Variants in CACNA2D1 observed in about 807,000 individuals in gnomAD.
CACNA2D1 encodes calcium voltage-gated channel auxiliary subunit alpha2delta 1, also known as voltage-dependent calcium channel subunit alpha-2/delta-1.
CACNA2D1 carries 53 observed loss-of-function variants against 171.5 expected under a neutral mutation model. The ratio of observed to expected loss-of-function variants is 0.31; its 90% confidence interval spans 0.25 to 0.39. The LOEUF (loss-of-function observed/expected upper bound fraction) is 0.39. Among genes scored for constraint, CACNA2D1 ranks in the 10% least tolerant of loss-of-function variants. The pLI is 1.00. For synonymous variants in CACNA2D1, 442 were observed against 443.1 expected (o/e 1.00, Z 0.03); for missense variants, 903 against 1,299.8 (o/e 0.69, Z 4.69).
At chr7:82,235,699 G>A (rs576054103) in intron 3 of CACNA2D1, among the ~76,000 whole-genome samples, 59 of 151,906 alleles carry the variant, frequency 3.9e-4, no homozygotes, top group Middle Eastern at 3.4e-3. Flanking sequence ...ATAATATCTG[G>A]ATTTCCTTCA....
chr7:82,091,429 A>G (rs1479394238), intron 6 of CACNA2D1, among the ~76,000 whole-genome samples: 1 of 152,194 alleles, frequency 6.6e-6, no homozygotes, highest in Non-Finnish European at 1.5e-5. Context: ...CTTGCCCCCT[A>G]TCACTTTAGT....
intron 6 of CACNA2D1, among the ~76,000 whole-genome samples, chr7:82,111,427 TG>T (rs1443741838): frequency 1.3e-5 from 1 of 79,206 alleles, no homozygotes; most frequent in Non-Finnish European, 2.4e-5. Flanking sequence ...TATATATGTG[TG>T]TATATATATA....
intron 3 of CACNA2D1, among the ~76,000 whole-genome samples, chr7:82,250,406 T>C (rs911601844): frequency 1.3e-5 from 2 of 152,176 alleles, no homozygotes; most frequent in Non-Finnish European, 2.9e-5. Flanking sequence ...TAGGAAAGCA[T>C]TTTTGTTTCT....
chr7:82,005,308 G>C (rs1271528663), intron 18 of CACNA2D1, 115 bp downstream of exon 18: 3 of 725,128 alleles, frequency 4.1e-6, no homozygotes, highest in Non-Finnish European at 7.5e-6. Flanking sequence ...ACGCATTAGA[G>C]ACTGTACTTT....
chr7:82,343,345 G>C (rs139838891), intron 2 of CACNA2D1: 1 of 152,282 alleles, frequency 6.6e-6, no homozygotes, highest in African/African-American at 2.4e-5. Flanking sequence ...GAACACGATG[G>C]TGATGCTTCC....
At chr7:82,072,315 G>C (rs1270174383) in intron 7 of CACNA2D1, among the ~76,000 whole-genome samples, 1 of 151,918 alleles carries the variant, frequency 6.6e-6, no homozygotes, top group Admixed American at 6.6e-5. Flanking sequence ...TTATATGCTT[G>C]TATCAAAATT....
At chr7:82,324,546 G>C (rs146066972) in intron 3 of CACNA2D1, among the ~76,000 whole-genome samples, 154 of 152,168 alleles carry the variant, frequency 1.0e-3, no homozygotes, top group Non-Finnish European at 1.9e-3. Context: ...CGTAAACACA[G>C]CACTTAGTGT....
chr7:82,434,747 T>C (rs926042794), intron 1 of CACNA2D1, among the ~76,000 whole-genome samples: 1 of 152,142 alleles, frequency 6.6e-6, no homozygotes, highest in Non-Finnish European at 1.5e-5. Context: ...CTTGTCTCCA[T>C]ATTCTCAACT....
intron 6 of CACNA2D1, among the ~76,000 whole-genome samples, chr7:82,113,999 T>C (rs1307229371): frequency 6.6e-6 from 1 of 152,162 alleles, no homozygotes; most frequent in East Asian, 1.9e-4. Flanking sequence ...TGCCTATGAC[T>C]TCTGAAAACA....
intron 1 of CACNA2D1, among the ~76,000 whole-genome samples, chr7:82,403,261 T>C (rs1826642955): frequency 6.6e-6 from 1 of 152,174 alleles, no homozygotes; most frequent in Admixed American, 6.5e-5. Flanking sequence ...ACCAGACTGA[T>C]TAGAGAAAGA....
intron 3 of CACNA2D1, among the ~76,000 whole-genome samples, chr7:82,210,545 G>A (rs556789468): frequency 6.6e-6 from 1 of 152,122 alleles, no homozygotes; most frequent in Non-Finnish European, 1.5e-5. Flanking sequence ...TTATTGGATG[G>A]GTGTGTGCAG....
chr7:82,165,183 G>A lies in CACNA2D1; in HGVS notation c.354+5367C>T, dbSNP rs1349760363. On this transcript the variant is annotated intron_variant, in intron 4 of 38. Coordinates refer to ENST00000356860, the MANE Select transcript of CACNA2D1 (RefSeq NM_000722.4). ...CACCTTCTACCTCCCCATTTCCTAA[G>A]CCAAGGGTGTTTGTCCTCTTTTAAC... 2.0e-5 allele frequency among the ~76,000 whole-genome samples: 3 copies of A among 151,962 alleles called. No homozygotes were observed. The East Asian group carries it at 5.8e-4, about 29-fold the overall frequency.
rs765508751 is a variant in CACNA2D1, at chr7:82,184,769, GTA to G, written c.295-14162_295-14161del. The stretch of plus-strand genomic sequence containing the variant: ...TTAAGAATAATGATGGTTAAAATGT[GTA>G]TGTTTTACAGTTTATGAAATTTCTT... On this transcript the variant is annotated intron_variant, in intron 3 of 38. Coordinates refer to ENST00000356860, the MANE Select transcript of CACNA2D1 (RefSeq NM_000722.4). 2.6e-5 allele frequency among the ~76,000 whole-genome samples: 4 copies of G among 152,092 alleles called. No homozygotes were observed. The East Asian group carries it at 5.8e-4, about 22-fold the overall frequency.
intron 3 of CACNA2D1, among the ~76,000 whole-genome samples, chr7:82,238,646 T>G (rs1295153771): frequency 6.6e-6 from 1 of 152,094 alleles, no homozygotes; most frequent in African/African-American, 2.4e-5. Context: ...TTCAGCCACA[T>G]TCAGTAGTAA....
chr7:82,103,378 AG>A (rs1334905614), intron 6 of CACNA2D1, among the ~76,000 whole-genome samples: 1 of 152,178 alleles, frequency 6.6e-6, no homozygotes, highest in African/African-American at 2.4e-5. Context: ...ATGAAGCAAA[AG>A]GTCTATTTTA....
In CACNA2D1 at chr7:81,957,869, AT is replaced by A. The variant is rs1793610434; in HGVS notation, c.3159+1405del. On this transcript the variant is annotated intron_variant, in intron 38 of 38. Coordinates refer to ENST00000356860, the MANE Select transcript of CACNA2D1 (RefSeq NM_000722.4). ...ATAAGATATAGCCTCCTAGAATAATATTTTGGGCAATAGGCTTTTAAGTCAC... is the reference window on the plus strand; with the variant it reads ...ATAAGATATAGCCTCCTAGAATAATATTTGGGCAATAGGCTTTTAAGTCAC... Among the ~76,000 whole-genome samples the A allele has an allele frequency of 2.0e-5, 3 of 152,058 alleles. No homozygotes were observed. The South Asian group carries it at 6.2e-4, about 31-fold the overall frequency.
At chr7:81,994,772 G>A in intron 20 of CACNA2D1, 96 bp downstream of exon 20, 1 of 704,048 alleles carries the variant, frequency 1.4e-6, no homozygotes, top group East Asian at 2.7e-5. Context: ...TGTTTTATAA[G>A]TAAATAGTGG....
At chr7:82,188,343 T>C (rs1368743312) in intron 3 of CACNA2D1, among the ~76,000 whole-genome samples, 1 of 152,176 alleles carries the variant, frequency 6.6e-6, no homozygotes, top group Non-Finnish European at 1.5e-5. Context: ...GAGACTGTAA[T>C]ATCTGGTAGG....
chr7:82,137,279 T>C (rs952914834), intron 4 of CACNA2D1, among the ~76,000 whole-genome samples: 2 of 152,176 alleles, frequency 1.3e-5, no homozygotes, highest in African/African-American at 2.4e-5. Flanking sequence ...TGGATGACTC[T>C]GCTAGCCATC....
Sources: gnomAD v4.1 joint callset for allele counts (sites outside exome capture counted in the v4.1 genomes callset) on GRCh38, gnomAD v4.1.1 for gene constraint, MANE v1.5 for transcripts, NCBI Gene and HGNC (gene_info 2026-07-23, HGNC 2026-07-21) for gene names.